The following DGCR2 variants were observed in gnomAD, a reference collection of about 807,000 sequenced individuals.
The protein encoded by DGCR2 is DiGeorge syndrome critical region gene 2, also known as integral membrane protein DGCR2/IDD.
DGCR2 carries 24 observed loss-of-function variants against 51.6 expected under a neutral mutation model. That is an observed-to-expected ratio of 0.47 (90% confidence interval 0.34 to 0.65). The LOEUF is 0.65. Ranked by LOEUF, DGCR2 falls within the 30% of genes least tolerant of loss-of-function variation. DGCR2 has a pLI of 0.01. For synonymous variants in DGCR2, 340 were observed against 315.4 expected (o/e 1.08, Z -0.82); for missense variants, 765 against 772.1 (o/e 0.99, Z 0.11).
intron 2 of DGCR2, among the ~76,000 whole-genome samples, chr22:19,080,161 G>A (rs1255598490): frequency 1.3e-5 from 2 of 152,146 alleles, no homozygotes; most frequent in East Asian, 3.9e-4. Context: ...ACAGGCCTGA[G>A]CATCCTACTT....
chr22:19,077,919 T>C (rs756473857), intron 2 of DGCR2, among the ~76,000 whole-genome samples: 6 of 151,954 alleles, frequency 3.9e-5, no homozygotes, highest in Non-Finnish European at 7.4e-5. Flanking sequence ...ATCTTCACGT[T>C]CTGGGTTCAA....
Position 19,036,861 on chromosome 22 carries a change from A to C in DGCR2, c.*2004T>G, listed in dbSNP as rs919523146. 1 of 152,576 alleles carries C rather than the reference A, an allele frequency of 6.6e-6. No individual in the cohort carries two copies. Among genetic ancestry groups the C allele is most frequent in the African/African-American group, 2.4e-5 (1 of 41,418 alleles). 9.5% of individuals were successfully genotyped at this position (152,576 alleles called of 1,614,324 possible). ...CCCCCTACGTGTCTGACCGGCCCCT[A>C]ATGTTCCTCTGGTCCCCAAAGGAAG... On this transcript the variant is annotated 3_prime_UTR_variant, in exon 10 of 10. Transcript: ENST00000263196.
At chr22:19,045,533 T>C (rs1287609320) in intron 7 of DGCR2, among the ~76,000 whole-genome samples, 2 of 152,260 alleles carry the variant, frequency 1.3e-5, no homozygotes, top group Non-Finnish European at 2.9e-5. Flanking sequence ...CCTCCAACTT[T>C]GTTCTTTGTA....
rs115028093 is a variant in DGCR2 at position 19,081,772 on chromosome 22, A to C, written c.202+7596T>G. Among the ~76,000 whole-genome samples the C allele has an allele frequency of 9.8e-3, 1,494 of 152,340 alleles. 33 individuals carry two copies. Among genetic ancestry groups the C allele is most frequent in the African/African-American group, 0.033 (1,385 of 41,566 alleles). The stretch of plus-strand genomic sequence containing the variant: ...TCTCTATTCCAGAGTGGGTGTAAAG[A>C]AGCACATAAAATTTCCACACTATCC... On this transcript the variant is annotated intron_variant, in intron 2 of 9. Transcript: ENST00000263196.
intron 2 of DGCR2, among the ~76,000 whole-genome samples, chr22:19,072,849 G>T (rs2082830624): frequency 6.6e-6 from 1 of 152,026 alleles, no homozygotes; most frequent in South Asian, 2.1e-4. Context: ...ATTCCAGCCT[G>T]GCAACAGAGC....
intron 9 of DGCR2, 87 bp downstream of exon 9, chr22:19,040,971 C>A (rs1002791070): frequency 8.3e-7 from 1 of 1,210,018 alleles, no homozygotes; most frequent in African/African-American, 1.5e-5. Flanking sequence ...GGTCCCTAGG[C>A]CTCTGCAGCT....
At chr22:19,108,569 TAAAAAAAAAAAAAAAAAAAAAA>T (rs55803042) in intron 1 of DGCR2, among the ~76,000 whole-genome samples, 74 of 90,756 alleles carry the variant, frequency 8.2e-4, no homozygotes, top group African/African-American at 9.2e-4. Flanking sequence ...AGAATTTATC[TAAAAAAAAAAAAAAAAAAAAAA>T]AAAAAAAAAA....
chr22:19,048,264 C>T, intron 7 of DGCR2, 176 bp downstream of exon 7: 1 of 667,474 alleles, frequency 1.5e-6, no homozygotes, highest in Non-Finnish European at 2.6e-6. Flanking sequence ...TCAGACACGC[C>T]CACTAGAGTA....
At chr22:19,060,782 C>T (rs765126190) in intron 5 of DGCR2, 2 of 450,654 alleles carry the variant, frequency 4.4e-6, no homozygotes, top group Non-Finnish European at 4.4e-6. Context: ...AGGGTCTTGG[C>T]CCCCAGGCGG....
At chr22:19,091,698 G>C (rs2083080540) in intron 1 of DGCR2, among the ~76,000 whole-genome samples, 1 of 151,518 alleles carries the variant, frequency 6.6e-6, no homozygotes, top group African/African-American at 2.4e-5. Context: ...GATCACTTGA[G>C]GTCAGGAGTT....
intron 3 of DGCR2, chr22:19,065,951 T>A (rs1601222375): frequency 1.6e-5 from 2 of 126,696 alleles, no homozygotes; most frequent in African/African-American, 3.3e-5. Context: ...ATTTATTATG[T>A]AAGCATGTGT....
chr22:19,063,372 C>G (rs753803497), intron 4 of DGCR2, 94 bp from the exon 5 acceptor site: 1 of 1,152,426 alleles, frequency 8.7e-7, no homozygotes, highest in Non-Finnish European at 1.3e-6. Flanking sequence ...GACAGAGTCT[C>G]GCTCTGTCAC....
rs377329459 is a variant in DGCR2, at chr22:19,058,908, C to T, written c.626-1746G>A. On this transcript the variant is annotated intron_variant, in intron 5 of 9. Coordinates refer to ENST00000263196, the MANE Select transcript of DGCR2 (RefSeq NM_005137.3). ...CTCCTGGCAGCAAGCTGCATGGGCA[C>T]CTGTGTAGCGCCCCTGCCCAGGGGA... Among the ~76,000 whole-genome samples, 4 of 152,244 alleles carry T rather than the reference C, an allele frequency of 2.6e-5. No individual in the cohort carries two copies. The East Asian group carries it at 5.8e-4, about 22-fold the overall frequency.
chr22:19,041,043 T>TG lies in DGCR2; in HGVS notation c.1396+14dup. On this transcript the variant is annotated intron_variant, in intron 9 of 9. Transcript: ENST00000263196. ...TACTTGACAAGGTGTTCCCTCTCCCTGGGGAGTCAGGCACCTGCAGGGTCA... is the reference window on the plus strand; with the variant it reads ...TACTTGACAAGGTGTTCCCTCTCCCTGGGGGAGTCAGGCACCTGCAGGGTCA... 6.4e-7 allele frequency: 1 copy of TG among 1,569,476 alleles called. No homozygotes were observed. Among genetic ancestry groups the TG allele is most frequent in the Admixed American group, 1.7e-5 (1 of 57,386 alleles).
At chr22:19,112,390 T>C (rs1196136987) in intron 1 of DGCR2, among the ~76,000 whole-genome samples, 1 of 151,732 alleles carries the variant, frequency 6.6e-6, no homozygotes, top group Non-Finnish European at 1.5e-5. Context: ...TTACAGTAAA[T>C]ACCACTCTCA....
At chr22:19,097,032 T>C (rs1012139891) in intron 1 of DGCR2, among the ~76,000 whole-genome samples, 1 of 151,968 alleles carries the variant, frequency 6.6e-6, no homozygotes, top group African/African-American at 2.4e-5. Flanking sequence ...TTTTTGGAAA[T>C]AGTTGAGTAA....
chr22:19,112,823 G>C (rs1218196630), intron 1 of DGCR2, among the ~76,000 whole-genome samples: 2 of 143,770 alleles, frequency 1.4e-5, no homozygotes, highest in African/African-American at 2.6e-5. Flanking sequence ...CAAGAACCTT[G>C]AGTATACACC....
At chr22:19,063,853 A>G (rs2082716870) in intron 4 of DGCR2, among the ~76,000 whole-genome samples, 1 of 152,214 alleles carries the variant, frequency 6.6e-6, no homozygotes. Flanking sequence ...CAACTCGGTG[A>G]CTATGCTAAA....
chr22:19,048,181 A>G (rs2082510834), intron 7 of DGCR2: 1 of 550,436 alleles, frequency 1.8e-6, no homozygotes. Flanking sequence ...AAACAGCCAC[A>G]CTTGAGTTCA....
Sources: gnomAD v4.1 joint callset for allele counts (sites outside exome capture counted in the v4.1 genomes callset) on GRCh38, gnomAD v4.1.1 for gene constraint, MANE v1.5 for transcripts, NCBI Gene and HGNC (gene_info 2026-07-23, HGNC 2026-07-21) for gene names.